The following RBPMS variants were observed in gnomAD, a reference collection of about 807,000 sequenced individuals.
RBPMS encodes RNA binding protein, mRNA processing factor.
Under a neutral mutation model 26.8 loss-of-function variants are expected in RBPMS, and 7 were observed. The observed-to-expected ratio is 0.26, with a 90% CI of 0.15 to 0.49. The LOEUF (loss-of-function observed/expected upper bound fraction) is 0.49, where lower values mean the gene tolerates loss of function less well. RBPMS is among the 20% of genes least tolerant of loss of function. The probability of loss-of-function intolerance (pLI) is 0.98; values close to 1 mark genes in which losing one functional copy is unlikely to be tolerated. For synonymous variants in RBPMS, 96 were observed against 93.3 expected, an observed-to-expected ratio of 1.03 and a Z score of -0.17; for missense variants, 186 against 250.0, an observed-to-expected ratio of 0.74 and a Z score of 1.73.
intron 1 of RBPMS, among the ~76,000 whole-genome samples, chr8:30,443,348 T>C (rs941208104): frequency 2.0e-5 from 3 of 152,218 alleles, no homozygotes; most frequent in Admixed American, 2.0e-4. Context: ...ATATGCATGA[T>C]GTAAAAACAA....
chr8:30,548,927 T>A (rs1826072283), intron 6 of RBPMS, among the ~76,000 whole-genome samples: 1 of 152,248 alleles, frequency 6.6e-6, no homozygotes, highest in South Asian at 2.1e-4. Flanking sequence ...GTGTCGGGTA[T>A]GTTTTGAATA....
intron 1 of RBPMS, among the ~76,000 whole-genome samples, chr8:30,391,062 C>T (rs1308255039): frequency 6.6e-6 from 1 of 151,952 alleles, no homozygotes; most frequent in African/African-American, 2.4e-5. Context: ...CCTCCATTTG[C>T]GAGCACAGGT....
chr8:30,511,486 A>AAAAT (rs1821657057), intron 5 of RBPMS, among the ~76,000 whole-genome samples: 1 of 23,574 alleles, frequency 4.2e-5, no homozygotes, highest in African/African-American at 1.6e-4. Flanking sequence ...AAAAAAAAAA[A>AAAAT]ATATATATAT....
At chr8:30,542,210 G>C (rs754950977) in intron 5 of RBPMS, among the ~76,000 whole-genome samples, 11 of 152,156 alleles carry the variant, frequency 7.2e-5, no homozygotes, top group Non-Finnish European at 1.2e-4. Flanking sequence ...TTTCTGCTGG[G>C]CTGGGTTTTG....
intron 2 of RBPMS, among the ~76,000 whole-genome samples, chr8:30,477,270 C>T (rs1337564410): frequency 1.3e-5 from 2 of 152,070 alleles, no homozygotes; most frequent in African/African-American, 2.4e-5. Flanking sequence ...TCGATGGTCT[C>T]GATCTCCAGA....
intron 6 of RBPMS, among the ~76,000 whole-genome samples, chr8:30,548,507 CG>C (rs1826041406): frequency 6.6e-6 from 1 of 152,200 alleles, no homozygotes; most frequent in African/African-American, 2.4e-5. Context: ...GCAGTTCTAT[CG>C]GATTTCTAAT....
rs1039406867 is a variant in RBPMS at position 30,384,857 on chromosome 8, C to G, written c.-236C>G. 30 of 336,236 alleles carry G rather than the reference C, an allele frequency of 8.9e-5. No homozygotes were observed. The highest frequency in any genetic ancestry group is 2.0e-4 in the Admixed American group (4 of 20,240). The allele number at this position is 336,236 out of a possible 1,614,324, so 20.8% of individuals were successfully genotyped here. On this transcript the variant is annotated 5_prime_UTR_variant, in exon 1 of 9. Coordinates refer to ENST00000397323, the MANE Select transcript of RBPMS (RefSeq NM_001008710.3). The surrounding 1 kb of genome is among the most constrained non-coding windows in gnomAD (Gnocchi z 5.6). ...GCCCCGCTCCCGGCCCGCGCCCTGC[C>G]CCGTCTCTCCCTTGCACTTCCTGAG...
chr8:30,568,237 A>G (rs1014454600), intron 8 of RBPMS, among the ~76,000 whole-genome samples: 3 of 152,204 alleles, frequency 2.0e-5, no homozygotes, highest in Admixed American at 6.5e-5. Context: ...GGGGGAGAAC[A>G]TTCCTTATCT....
In RBPMS at chr8:30,411,681, A is replaced by AAG. The variant is rs1554507358; in HGVS notation, c.66+26524_66+26525insGA. ...CTGTCTCAGAAAAAAAAAAAAAAAA[A>AAG]AAAGAAAAAGGAAATGTTTAGGCCG... is the stretch of plus-strand genomic sequence containing the variant. On this transcript the variant is annotated intron_variant, in intron 1 of 8. Coordinates refer to ENST00000397323, the MANE Select transcript of RBPMS (RefSeq NM_001008710.3). Among the ~76,000 whole-genome samples, 8 of 127,956 alleles carry AAG rather than the reference A, an allele frequency of 6.3e-5. 1 individual carries two copies. Among genetic ancestry groups the AAG allele is most frequent in the Admixed American group, 8.4e-5 (1 of 11,948 alleles). 83.9% of individuals were successfully genotyped at this position (127,956 alleles called of 152,430 possible).
At chr8:30,549,429 C>A (rs1826114073) in intron 6 of RBPMS, 1 of 1,324,770 alleles carries the variant, frequency 7.5e-7, no homozygotes, top group Non-Finnish European at 1.1e-6. Flanking sequence ...CTGCCCAAGG[C>A]CTTCCATTGT....
At chr8:30,434,602 G>C (rs1310024289) in intron 1 of RBPMS, among the ~76,000 whole-genome samples, 1 of 151,686 alleles carries the variant, frequency 6.6e-6, no homozygotes, top group Non-Finnish European at 1.5e-5. Context: ...TACCCAGGAG[G>C]CTGAGGCAGG....
chr8:30,422,976 C>T (rs1437612564), intron 1 of RBPMS, among the ~76,000 whole-genome samples: 6 of 152,222 alleles, frequency 3.9e-5, no homozygotes, highest in Admixed American at 6.5e-5. Flanking sequence ...CTTTCTTCTA[C>T]AGGTTCATTT....
Position 30,528,981 on chromosome 8 carries a change from C to T in RBPMS, c.398-15513C>T, listed in dbSNP as rs557759603. 6.6e-5 allele frequency among the ~76,000 whole-genome samples: 10 copies of T among 151,454 alleles called. No homozygotes were observed. The Middle Eastern group carries it at 0.01, about 156-fold the overall frequency. On this transcript the variant is annotated intron_variant, in intron 5 of 8. Transcript: ENST00000397323. ...CTGTAATCCCAGCGCTTTTGGGGGC[C>T]GAGGTGGGTGGATCACTTGAGGTTA... is the stretch of plus-strand genomic sequence containing the variant.
intron 1 of RBPMS, among the ~76,000 whole-genome samples, chr8:30,386,081 T>TA (rs1807037446): frequency 1.3e-5 from 2 of 152,326 alleles, no homozygotes; most frequent in South Asian, 4.1e-4. Context: ...GTTGAGTTCT[T>TA]AAACATTCTA....
chr8:30,446,123 T>G (rs1238228012), intron 1 of RBPMS, among the ~76,000 whole-genome samples: 1 of 152,230 alleles, frequency 6.6e-6, no homozygotes, highest in East Asian at 1.9e-4. Context: ...TACACTTATC[T>G]CTTTTGCAAC....
intron 1 of RBPMS, chr8:30,385,456 T>A: frequency 3.6e-6 from 1 of 275,522 alleles, no homozygotes; most frequent in South Asian, 1.6e-4. Context: ...GACTCCTGGG[T>A]GACCTCAGAT....
intron 1 of RBPMS, among the ~76,000 whole-genome samples, chr8:30,461,049 A>C (rs1172373518): frequency 6.7e-6 from 1 of 149,786 alleles, no homozygotes; most frequent in Non-Finnish European, 1.5e-5. Context: ...CCCATCTGAA[A>C]AAAAAAAAAA....
At chr8:30,566,930 T>C (rs1827928702) in intron 8 of RBPMS, among the ~76,000 whole-genome samples, 2 of 152,156 alleles carry the variant, frequency 1.3e-5, no homozygotes. Flanking sequence ...TAGTAGTTCA[T>C]GGTTTTAGTG....
chr8:30,485,915 C>T (rs558882649), intron 4 of RBPMS, among the ~76,000 whole-genome samples: 1 of 152,248 alleles, frequency 6.6e-6, no homozygotes, highest in Admixed American at 6.5e-5. Context: ...ATTATAATAG[C>T]ATGTAAGTTA....
Sources: allele counts gnomAD v4.1 joint callset (sites outside exome capture counted in the v4.1 genomes callset), GRCh38; gene constraint gnomAD v4.1.1; non-coding constraint Gnocchi (gnomAD v3.1); transcripts MANE v1.5; gene names NCBI Gene and HGNC (gene_info 2026-07-23, HGNC 2026-07-21).